The following KCNK2 variants were observed in gnomAD, a reference collection of about 807,000 sequenced individuals.
The protein encoded by KCNK2 is potassium channel subfamily K member 2.
In KCNK2, 21 loss-of-function variants were observed where a neutral mutation model predicts 40.5. That is an observed-to-expected ratio of 0.52 (90% confidence interval 0.37 to 0.75). The LOEUF (loss-of-function observed/expected upper bound fraction) is 0.75. Ranked by LOEUF, KCNK2 falls within the 30% of genes least tolerant of loss-of-function variation. The pLI is 0.00. For missense variants in KCNK2, 399 were observed against 531.6 expected (o/e 0.75, Z 2.45); for synonymous variants, 191 against 202.2 (o/e 0.94, Z 0.47).
intron 6 of KCNK2, among the ~76,000 whole-genome samples, chr1:215,208,977 G>A (rs1244553617): frequency 6.6e-6 from 1 of 151,480 alleles, no homozygotes; most frequent in East Asian, 1.9e-4. Flanking sequence ...ACAGACACCT[G>A]CCACCACGCC....
intron 5 of KCNK2, among the ~76,000 whole-genome samples, chr1:215,185,127 C>A (rs1238287748): frequency 1.3e-5 from 1 of 74,678 alleles, no homozygotes; most frequent in Non-Finnish European, 3.0e-5. Context: ...ATCTTCAAAT[C>A]TGTTAATTTT....
intron 1 of KCNK2, among the ~76,000 whole-genome samples, chr1:215,031,400 A>T (rs746024885): frequency 6.6e-6 from 1 of 152,172 alleles, no homozygotes; most frequent in Non-Finnish European, 1.5e-5. Context: ...GATTTCTTTC[A>T]TGAGTTTTGC....
At chr1:215,046,528 G>A (rs1197549814) in intron 1 of KCNK2, among the ~76,000 whole-genome samples, 1 of 151,956 alleles carries the variant, frequency 6.6e-6, no homozygotes, top group Non-Finnish European at 1.5e-5. Flanking sequence ...AAGCTCACAG[G>A]CCAAAAACTA....
In KCNK2 at chr1:215,235,171, T is replaced by C; in HGVS notation, c.*26T>C. 1.9e-6 allele frequency: 3 copies of C among 1,552,166 alleles called. No individual in the cohort carries two copies. Among genetic ancestry groups the C allele is most frequent in the Non-Finnish European group, 2.6e-6 (3 of 1,134,788 alleles). ...CCCTCTCTTTAAATAACCTTAGGCA[T>C]AGCCATAGGTGAGGACTTCTCTATG... is the stretch of plus-strand genomic sequence containing the variant. On this transcript the variant is annotated 3_prime_UTR_variant, in exon 7 of 7. Transcript: ENST00000444842.
At chr1:215,068,005 T>C (rs1307008578) in intron 1 of KCNK2, among the ~76,000 whole-genome samples, 3 of 152,114 alleles carry the variant, frequency 2.0e-5, no homozygotes, top group Non-Finnish European at 4.4e-5. Flanking sequence ...AGCATATGTT[T>C]CTATATGGTC....
At chr1:215,145,079 A>G (rs1169893745) in intron 3 of KCNK2, among the ~76,000 whole-genome samples, 1 of 152,158 alleles carries the variant, frequency 6.6e-6, no homozygotes, top group Non-Finnish European at 1.5e-5. Context: ...AATATGTTTC[A>G]GGAGAGAAAG....
intron 6 of KCNK2, among the ~76,000 whole-genome samples, chr1:215,228,513 T>C (rs1261278389): frequency 6.6e-6 from 1 of 152,138 alleles, no homozygotes; most frequent in Admixed American, 6.6e-5. Context: ...TAAGAATACA[T>C]GGAATTCCAG....
At chr1:215,089,968 A>G (rs928128327) in intron 2 of KCNK2, among the ~76,000 whole-genome samples, 10 of 151,888 alleles carry the variant, frequency 6.6e-5, no homozygotes, top group African/African-American at 2.4e-4. Flanking sequence ...CTGGGATTGC[A>G]GGCATGTGCC....
chr1:215,007,037 A>ATATGTG (rs1330420661), intron 1 of KCNK2, among the ~76,000 whole-genome samples: 7 of 51,598 alleles, frequency 1.4e-4, no homozygotes, highest in African/African-American at 3.7e-4. Context: ...ATATATATAT[A>ATATGTG]TGTGTGTGTG....
intron 2 of KCNK2, among the ~76,000 whole-genome samples, chr1:215,088,630 G>A (rs1465100658): frequency 6.6e-6 from 1 of 150,788 alleles, no homozygotes; most frequent in Non-Finnish European, 1.5e-5. Context: ...AAGAAATTAT[G>A]TGTGAATTTG....
intron 6 of KCNK2, among the ~76,000 whole-genome samples, chr1:215,210,071 A>C: frequency 1.5e-5 from 1 of 65,452 alleles, no homozygotes; most frequent in South Asian, 7.9e-4. Context: ...CTATACAAAT[A>C]CACTATAGAT....
At chr1:215,225,402 T>C (rs1305759737) in intron 6 of KCNK2, among the ~76,000 whole-genome samples, 1 of 152,238 alleles carries the variant, frequency 6.6e-6, no homozygotes, top group African/African-American at 2.4e-5. Context: ...ATACTTGCCT[T>C]TTCCTTTGCT....
intron 1 of KCNK2, among the ~76,000 whole-genome samples, chr1:215,074,239 C>T (rs1658856722): frequency 6.6e-6 from 1 of 152,182 alleles, no homozygotes; most frequent in African/African-American, 2.4e-5. Context: ...CTCAATCCTT[C>T]CATAAACTTA....
intron 1 of KCNK2, among the ~76,000 whole-genome samples, chr1:215,041,501 A>C: frequency 6.6e-6 from 1 of 152,196 alleles, no homozygotes; most frequent in East Asian, 1.9e-4. Context: ...CTTTTTCCTA[A>C]AATGAGGTTG....
intron 2 of KCNK2, among the ~76,000 whole-genome samples, chr1:215,102,805 A>G (rs2102552683): frequency 1.3e-5 from 2 of 152,148 alleles, no homozygotes; most frequent in Admixed American, 1.3e-4. Flanking sequence ...GTACAGTTCT[A>G]TAGCCTAGGA....
At chr1:215,094,540 C>T (rs1224874261) in intron 2 of KCNK2, among the ~76,000 whole-genome samples, 4 of 152,140 alleles carry the variant, frequency 2.6e-5, no homozygotes, top group African/African-American at 7.2e-5. Flanking sequence ...GACTCCCCCA[C>T]GTGCTACTTT....
rs188463946 is a variant in KCNK2 at position 215,187,549 on chromosome 1, A to C, written c.824-7404A>C. 3.8e-3 allele frequency among the ~76,000 whole-genome samples: 572 copies of C among 151,834 alleles called. 3 individuals are homozygous for C. Among genetic ancestry groups the C allele is most frequent in the Non-Finnish European group, 5.7e-3 (387 of 67,960 alleles). ...CAAAGGTCCAAGACTTAAAAAAAAA[A>C]CACATAAAGTGTTAGTGATTCTTCT... On this transcript the variant is annotated intron_variant, in intron 5 of 6. Coordinates refer to ENST00000444842, the MANE Select transcript of KCNK2 (RefSeq NM_001017425.3).
At chr1:215,218,702 T>A (rs950537459) in intron 6 of KCNK2, among the ~76,000 whole-genome samples, 8 of 152,284 alleles carry the variant, frequency 5.3e-5, no homozygotes, top group African/African-American at 1.9e-4. Flanking sequence ...ATGTCCTGTT[T>A]CCCTCCTTAC....
chr1:215,231,085 G>A (rs1416084017), intron 6 of KCNK2, among the ~76,000 whole-genome samples: 2 of 152,126 alleles, frequency 1.3e-5, no homozygotes, highest in Admixed American at 6.6e-5. Flanking sequence ...TGAGATCATG[G>A]TGACTTTGTG....
Sources: allele counts gnomAD v4.1 joint callset (sites outside exome capture counted in the v4.1 genomes callset), GRCh38; gene constraint gnomAD v4.1.1; transcripts MANE v1.5; gene names NCBI Gene and HGNC (gene_info 2026-07-23, HGNC 2026-07-21).